The following USP32 variants were observed in gnomAD, a reference collection of about 807,000 sequenced individuals.
USP32 encodes ubiquitin carboxyl-terminal hydrolase 32.
USP32 carries 59 observed loss-of-function variants against 204.8 expected under a neutral mutation model. The observed-to-expected ratio is 0.29, with a 90% confidence interval of 0.23 to 0.36. The LOEUF is 0.36. Ranked by LOEUF, USP32 falls within the 10% of genes least tolerant of loss-of-function variation. USP32 has a pLI of 1.00. For missense variants in USP32, 1,160 were observed against 1,946.4 expected, an observed-to-expected ratio of 0.60 and a Z score of 7.60; for synonymous variants, 517 against 678.4, an observed-to-expected ratio of 0.76 and a Z score of 3.70.
At chr17:60,237,453 T>C (rs1345995794) in intron 11 of USP32, among the ~76,000 whole-genome samples, 3 of 152,072 alleles carry the variant, frequency 2.0e-5, no homozygotes, top group African/African-American at 7.2e-5. Context: ...AATGGCATAA[T>C]ATGAAATTAT....
intron 16 of USP32, among the ~76,000 whole-genome samples, chr17:60,215,129 G>A (rs1263470832): frequency 1.3e-5 from 2 of 152,062 alleles, no homozygotes; most frequent in Non-Finnish European, 2.9e-5. Flanking sequence ...CACCACATCT[G>A]GCTAATTTTT....
chr17:60,281,714 T>C (rs193167249), intron 5 of USP32, among the ~76,000 whole-genome samples: 92 of 152,226 alleles, frequency 6.0e-4, no homozygotes, highest in Middle Eastern at 3.4e-3. Context: ...CCCACAGCAA[T>C]AGTAAGTGGC....
chr17:60,234,167 G>A (rs1056112364), intron 12 of USP32, among the ~76,000 whole-genome samples: 40 of 150,504 alleles, frequency 2.7e-4, no homozygotes, highest in African/African-American at 9.8e-4. Context: ...AGGCTGGAGT[G>A]CAGTGACGCG....
At chr17:60,248,439 T>C (rs985304434) in intron 11 of USP32, among the ~76,000 whole-genome samples, 28 of 152,218 alleles carry the variant, frequency 1.8e-4, no homozygotes, top group Non-Finnish European at 4.0e-4. Flanking sequence ...CATTATCTTG[T>C]CAAACTTTTT....
intron 12 of USP32, among the ~76,000 whole-genome samples, chr17:60,234,413 C>T (rs1191241613): frequency 1.3e-5 from 2 of 149,706 alleles, no homozygotes; most frequent in African/African-American, 2.4e-5. Flanking sequence ...ACACCCGGCT[C>T]AAGCATGACT....
intron 2 of USP32, among the ~76,000 whole-genome samples, chr17:60,340,689 C>T (rs1035038832): frequency 1.3e-5 from 2 of 152,164 alleles, no homozygotes; most frequent in African/African-American, 2.4e-5. Context: ...AATATTGTTA[C>T]ATGTGAATTT....
At chr17:60,240,789 C>T (rs1416064531) in intron 11 of USP32, among the ~76,000 whole-genome samples, 2 of 152,134 alleles carry the variant, frequency 1.3e-5, no homozygotes, top group Non-Finnish European at 2.9e-5. Flanking sequence ...TCCCACCACC[C>T]GCAAGACTTT....
intron 9 of USP32, among the ~76,000 whole-genome samples, chr17:60,258,769 G>T (rs1305349466): frequency 6.6e-6 from 1 of 152,150 alleles, no homozygotes; most frequent in Non-Finnish European, 1.5e-5. Flanking sequence ...GGTTTTGATT[G>T]AAGATAAATT....
At chr17:60,367,765 C>T (rs2089346478) in intron 1 of USP32, among the ~76,000 whole-genome samples, 2 of 152,160 alleles carry the variant, frequency 1.3e-5, no homozygotes, top group South Asian at 4.1e-4. Flanking sequence ...CTGACATGGC[C>T]CCACTGTACT....
chr17:60,362,500 G>A (rs1410085347), intron 1 of USP32, among the ~76,000 whole-genome samples: 2 of 152,136 alleles, frequency 1.3e-5, no homozygotes, highest in Non-Finnish European at 2.9e-5. Flanking sequence ...CTGCCCACAA[G>A]AACAGAACAT....
At chr17:60,189,908 C>T (rs959228943) in intron 29 of USP32, among the ~76,000 whole-genome samples, 16 of 152,160 alleles carry the variant, frequency 1.1e-4, no homozygotes, top group African/African-American at 7.2e-5. Flanking sequence ...TCAAGGTTCA[C>T]TTATTAATAT....
intron 3 of USP32, among the ~76,000 whole-genome samples, chr17:60,299,978 C>T (rs891212141): frequency 6.6e-6 from 1 of 152,112 alleles, no homozygotes; most frequent in Non-Finnish European, 1.5e-5. Context: ...TTATGATTAA[C>T]CCTCATGACC....
rs187688009 is a variant in USP32, at chr17:60,177,953, T to C, written c.*1302A>G. On this transcript the variant is annotated 3_prime_UTR_variant, in exon 34 of 34. Transcript: ENST00000300896. ...TGAAACATTTCCTTCAAGTATATATTAAAAAACTACACGAAAAAAATGCTA... is the reference window on the plus strand; with the variant it reads ...TGAAACATTTCCTTCAAGTATATATCAAAAAACTACACGAAAAAAATGCTA... Among the ~76,000 whole-genome samples the C allele has an allele frequency of 3.5e-3, 539 of 152,156 alleles. No homozygotes were observed. Among genetic ancestry groups the C allele is most frequent in the Non-Finnish European group, 5.6e-3 (384 of 67,996 alleles).
intron 1 of USP32, among the ~76,000 whole-genome samples, chr17:60,351,305 C>T (rs886465921): frequency 2.0e-5 from 3 of 152,176 alleles, no homozygotes; most frequent in Non-Finnish European, 4.4e-5. Flanking sequence ...AAGTGATCCT[C>T]CCACCTCAGC....
chr17:60,258,367 T>G, intron 9 of USP32: 1 of 181,272 alleles, frequency 5.5e-6, no homozygotes, highest in South Asian at 1.6e-4. Context: ...TCAGAACTCT[T>G]CAAGAACCTT....
Position 60,226,240 on chromosome 17 carries a change from A to G in USP32, c.1240-9T>C. 1 of 1,524,702 alleles carries G rather than the reference A, an allele frequency of 6.6e-7. No individual in the cohort carries two copies. The highest frequency in any genetic ancestry group is 8.7e-7 in the Non-Finnish European group (1 of 1,143,284). 94.4% of individuals were successfully genotyped at this position (1,524,702 alleles called of 1,614,324 possible). ...ACCACAGGGTTGGCATCCTAAAATC[A>G]GGAAATCAGAGAATAAGAAGCAAAG... On this transcript the variant is annotated splice_polypyrimidine_tract_variant and intron_variant, in intron 12 of 33. Coordinates refer to ENST00000300896, the MANE Select transcript of USP32 (RefSeq NM_032582.4).
chr17:60,398,870 A>G (rs572695627), intron 1 of USP32, among the ~76,000 whole-genome samples: 1 of 152,218 alleles, frequency 6.6e-6, no homozygotes, highest in Non-Finnish European at 1.5e-5. Context: ...GGTCCCAGCT[A>G]CTTGGGAGGC....
At chr17:60,364,908 A>G (rs544248684) in intron 1 of USP32, among the ~76,000 whole-genome samples, 1 of 152,230 alleles carries the variant, frequency 6.6e-6, no homozygotes, top group South Asian at 2.1e-4. Context: ...CCCAAATTTT[A>G]TATTTGTAAA....
At chr17:60,204,763 C>T (rs898134090) in intron 26 of USP32, among the ~76,000 whole-genome samples, 10 of 151,826 alleles carry the variant, frequency 6.6e-5, no homozygotes, top group Admixed American at 3.3e-4. Flanking sequence ...GCCACCGCAC[C>T]TGGCCATTTT....
Sources: allele counts gnomAD v4.1 joint callset (sites outside exome capture counted in the v4.1 genomes callset), GRCh38; gene constraint gnomAD v4.1.1; transcripts MANE v1.5; gene names NCBI Gene and HGNC (gene_info 2026-07-23, HGNC 2026-07-21).